RNF138: variants seen among roughly 807,000 people sequenced by gnomAD.
RNF138 encodes ring finger protein 138.
Under a neutral mutation model 31.0 loss-of-function variants are expected in RNF138, and 12 were observed. The ratio of observed to expected loss-of-function variants is 0.39; its 90% CI spans 0.25 to 0.63. The LOEUF is 0.63. Ranked by LOEUF, RNF138 falls within the 20% of genes least tolerant of loss-of-function variation. The pLI is 0.52. For missense variants in RNF138, 192 were observed against 300.1 expected, an observed-to-expected ratio of 0.64 and a Z score of 2.66; for synonymous variants, 105 against 99.5, an observed-to-expected ratio of 1.06 and a Z score of -0.33.
rs1195200265 is a variant in RNF138, at chr18:32,130,106, A to G, written c.*919A>G. 1 of 152,446 alleles carries G rather than the reference A, an allele frequency of 6.6e-6. No homozygotes were observed. The highest frequency in any genetic ancestry group is 2.4e-5 in the African/African-American group (1 of 41,434). The allele number at this position is 152,446 out of a possible 1,614,324, so 9.4% of individuals were successfully genotyped here. A position where few individuals can be genotyped will look rare whatever the true frequency, so the allele number is the denominator to read the frequency against. ...TACATATACTTTTGTGTGTATATAT[A>G]CACATATGTGTGTATGCAGTTTGTC... On this transcript the variant is annotated 3_prime_UTR_variant, in exon 8 of 8. Transcript: ENST00000261593.
intron 7 of RNF138, 100 bp downstream of exon 7, chr18:32,126,900 T>G (rs2040393233): frequency 4.4e-6 from 3 of 685,168 alleles, no homozygotes; most frequent in Non-Finnish European, 5.2e-6. Flanking sequence ...CTGTTGTATC[T>G]TACTGGATGG....
intron 2 of RNF138, chr18:32,109,431 C>T (rs2040090918): frequency 6.6e-6 from 1 of 152,216 alleles, no homozygotes; most frequent in African/African-American, 2.4e-5. Context: ...TGTGCCTGGC[C>T]ATTGTTTTAT....
chr18:32,114,485 T>C (rs1228692843), intron 4 of RNF138, among the ~76,000 whole-genome samples: 1 of 152,160 alleles, frequency 6.6e-6, no homozygotes, highest in African/African-American at 2.4e-5. Flanking sequence ...TTAACCCAGG[T>C]CAAGAAAGAA....
At chr18:32,097,868 A>G (rs941071438) in intron 2 of RNF138, among the ~76,000 whole-genome samples, 5 of 151,872 alleles carry the variant, frequency 3.3e-5, no homozygotes, top group Admixed American at 6.6e-5. Context: ...TGCTCGGGCT[A>G]TATATATGTA....
At chr18:32,128,009 G>A (rs1386885461) in intron 7 of RNF138, among the ~76,000 whole-genome samples, 1 of 152,210 alleles carries the variant, frequency 6.6e-6, no homozygotes, top group Non-Finnish European at 1.5e-5. Flanking sequence ...GAACCCGGGA[G>A]GCAGAGCTTG....
intron 4 of RNF138, among the ~76,000 whole-genome samples, chr18:32,122,920 C>G (rs1169075715): frequency 6.6e-6 from 1 of 152,148 alleles, no homozygotes; most frequent in Non-Finnish European, 1.5e-5. Context: ...CTTACTCTTC[C>G]CTCAGGATTC....
chr18:32,120,629 C>T (rs991866904), intron 4 of RNF138, among the ~76,000 whole-genome samples: 3 of 152,144 alleles, frequency 2.0e-5, no homozygotes, highest in Non-Finnish European at 4.4e-5. Flanking sequence ...CATGATACAA[C>T]AGCCTAGGCA....
At chr18:32,094,265 T>G (rs2039765469) in intron 2 of RNF138, among the ~76,000 whole-genome samples, 1 of 152,128 alleles carries the variant, frequency 6.6e-6, no homozygotes, top group African/African-American at 2.4e-5. Flanking sequence ...AATTTTTGGT[T>G]CTTAATTGCA....
intron 2 of RNF138, among the ~76,000 whole-genome samples, chr18:32,094,050 C>T (rs369057752): frequency 6.6e-6 from 1 of 152,268 alleles, no homozygotes; most frequent in East Asian, 1.9e-4. Flanking sequence ...CTCGGCCTCC[C>T]AAAGTGCTGG....
intron 2 of RNF138, among the ~76,000 whole-genome samples, chr18:32,105,567 ATC>A (rs1475550795): frequency 6.6e-6 from 1 of 152,210 alleles, no homozygotes; most frequent in African/African-American, 2.4e-5. Flanking sequence ...TATATGTAGA[ATC>A]TCTGCTGTGT....
At chr18:32,093,264 T>A (rs987453025) in intron 2 of RNF138, among the ~76,000 whole-genome samples, 35 of 152,108 alleles carry the variant, frequency 2.3e-4, no homozygotes, top group Non-Finnish European at 4.0e-4. Context: ...TCTTGGAGCC[T>A]TTTTGTTTCT....
intron 2 of RNF138, 145 bp downstream of exon 2, chr18:32,093,031 G>C: frequency 2.1e-6 from 1 of 472,296 alleles, no homozygotes; most frequent in South Asian, 3.7e-5. Context: ...CCCGTTCCCC[G>C]CCCCTCAGAG....
At position 32,130,440 on chromosome 18, in the gene RNF138, C is replaced by CATTA. The variant is rs1056258549; in HGVS notation, c.*1254_*1257dup. 3.9e-5 allele frequency: 6 copies of CATTA among 152,314 alleles called. No homozygotes were observed. The highest frequency in any genetic ancestry group is 1.4e-4 in the African/African-American group (6 of 41,402). The allele number at this position is 152,314 out of a possible 1,614,324, so 9.4% of individuals were successfully genotyped here. A position where few individuals can be genotyped will look rare whatever the true frequency, so the allele number is the denominator to read the frequency against. On this transcript the variant is annotated 3_prime_UTR_variant, in exon 8 of 8. Transcript: ENST00000261593. ...TAAAATTGGGTATGTTCTTAATATT[C>CATTA]ATTAGTGAGAATCACAAAGTATTTT... is the stretch of plus-strand genomic sequence containing the variant.
chr18:32,113,180 C>A (rs753047212), intron 3 of RNF138, among the ~76,000 whole-genome samples: 3 of 152,094 alleles, frequency 2.0e-5, no homozygotes, highest in Non-Finnish European at 4.4e-5. Context: ...TCTAAGCAAT[C>A]CTCCTGCCTC....
At chr18:32,122,808 A>C (rs1568239836) in intron 4 of RNF138, among the ~76,000 whole-genome samples, 2 of 152,180 alleles carry the variant, frequency 1.3e-5, no homozygotes, top group Non-Finnish European at 2.9e-5. Context: ...TGGGCGACAG[A>C]TTGAGACTCC....
At chr18:32,114,604 C>T (rs1312410881) in intron 4 of RNF138, among the ~76,000 whole-genome samples, 2 of 152,046 alleles carry the variant, frequency 1.3e-5, no homozygotes, top group African/African-American at 2.4e-5. Flanking sequence ...CTTTGATTTT[C>T]TTTATGTATC....
At chr18:32,128,483 A>G (rs926264951) in intron 7 of RNF138, among the ~76,000 whole-genome samples, 1 of 151,540 alleles carries the variant, frequency 6.6e-6, no homozygotes. Flanking sequence ...GGTTGCAGTG[A>G]GCCAAGATTG....
At chr18:32,105,456 T>A (rs1177742313) in intron 2 of RNF138, among the ~76,000 whole-genome samples, 1 of 152,210 alleles carries the variant, frequency 6.6e-6, no homozygotes, top group African/African-American at 2.4e-5. Flanking sequence ...CAGAAATAGT[T>A]CCACACGTTT....
chr18:32,128,656 TAAC>T (rs1343644854), intron 7 of RNF138, among the ~76,000 whole-genome samples: 1 of 152,260 alleles, frequency 6.6e-6, no homozygotes, highest in East Asian at 1.9e-4. Context: ...GTGTTATGAT[TAAC>T]TTCAGTTTTA....
Sources: gnomAD v4.1 joint callset for allele counts (sites outside exome capture counted in the v4.1 genomes callset) on GRCh38, gnomAD v4.1.1 for gene constraint, MANE v1.5 for transcripts, NCBI Gene and HGNC (gene_info 2026-07-23, HGNC 2026-07-21) for gene names.